SCOC: variants seen among roughly 807,000 people sequenced by gnomAD.
SCOC encodes short coiled-coil protein.
A neutral mutation model predicts 9.9 loss-of-function variants in SCOC; 7 were observed. The ratio of observed to expected loss-of-function variants is 0.71; its 90% confidence interval spans 0.40 to 1.33. The LOEUF (loss-of-function observed/expected upper bound fraction) is 1.33. Ranked by LOEUF, SCOC falls within the 40% of genes most tolerant of loss-of-function variation. The pLI, the probability that SCOC is intolerant of heterozygous loss-of-function variation, is 0.01. For missense variants in SCOC, 66 were observed against 89.7 expected (o/e 0.74, Z 1.07); for synonymous variants, 19 against 28.2 (o/e 0.67, Z 1.03).
upstream of SCOC, chr4:140,373,256 T>G (rs1229492809): frequency 2.4e-6 from 3 of 1,272,376 alleles, no homozygotes; most frequent in Non-Finnish European, 3.0e-6. Flanking sequence ...CTGTCGCTCA[T>G]ACCAACCTCT....
intron 1 of SCOC, chr4:140,374,297 A>G (rs1444611529): frequency 2.5e-6 from 1 of 397,694 alleles, no homozygotes; most frequent in Admixed American, 2.9e-5. Flanking sequence ...GAAAGGAGAA[A>G]GAGGATACAT....
chr4:140,345,931 A>G (rs936383789), intron 2 of SCOC, among the ~76,000 whole-genome samples: 1 of 152,224 alleles, frequency 6.6e-6, no homozygotes, highest in African/African-American at 2.4e-5. Context: ...TCCAGATACA[A>G]TGCTACGTCC....
At chr4:140,273,799 T>TA (rs1050920176) in intron 1 of SCOC, among the ~76,000 whole-genome samples, 4 of 152,248 alleles carry the variant, frequency 2.6e-5, no homozygotes, top group Admixed American at 2.6e-4. Flanking sequence ...CAAGAGAAGT[T>TA]ACATCATTTG....
chr4:140,380,710 CAA>C (rs1276573554), intron 3 of SCOC, among the ~76,000 whole-genome samples: 1 of 152,106 alleles, frequency 6.6e-6, no homozygotes, highest in Non-Finnish European at 1.5e-5. Context: ...ATTTTAAAAA[CAA>C]AGTCTTTTTA....
At chr4:140,340,808 T>TTTTTTTTTC (rs140552446), upstream of SCOC, among the ~76,000 whole-genome samples, 29 of 111,812 alleles carry the variant, frequency 2.6e-4, 5 homozygotes, top group Non-Finnish European at 4.5e-4. Context: ...TTTTTTTTTT[T>TTTTTTTTTC]AGAGGGATAG....
intron 1 of SCOC, among the ~76,000 whole-genome samples, chr4:140,273,449 T>G (rs926766401): frequency 1.1e-4 from 17 of 152,206 alleles, no homozygotes; most frequent in African/African-American, 3.9e-4. Flanking sequence ...TTTTTTTCTT[T>G]CTGATCATTT....
upstream of SCOC, chr4:140,343,404 C>T (rs1012818231): frequency 1.7e-5 from 7 of 408,506 alleles, no homozygotes; most frequent in African/African-American, 8.0e-5. Flanking sequence ...CAGCAGCCTC[C>T]GGTCAAGGGT....
At chr4:140,287,006 C>T (rs984102737) in intron 1 of SCOC, among the ~76,000 whole-genome samples, 1 of 152,070 alleles carries the variant, frequency 6.6e-6, no homozygotes, top group Non-Finnish European at 1.5e-5. Context: ...AGACCATACA[C>T]ATACATATAC....
At chr4:140,356,233 A>T (rs1023856257) in intron 2 of SCOC, among the ~76,000 whole-genome samples, 8 of 152,230 alleles carry the variant, frequency 5.3e-5, no homozygotes, top group African/African-American at 1.9e-4. Flanking sequence ...AAAATTTTCA[A>T]GTAACTTAAA....
intron 1 of SCOC, among the ~76,000 whole-genome samples, chr4:140,291,683 C>A (rs1731477059): frequency 6.6e-6 from 1 of 152,194 alleles, no homozygotes; most frequent in African/African-American, 2.4e-5. Flanking sequence ...TCAGGCACTG[C>A]AGCTTTGATC....
chr4:140,380,851 T>G, intron 3 of SCOC, 111 bp from the exon 4 acceptor site: 1 of 845,930 alleles, frequency 1.2e-6, no homozygotes, highest in South Asian at 2.8e-5. Context: ...ATCCGAATTC[T>G]TAAAATTTAA....
chr4:140,336,887 C>T (rs147555789), intron 1 of SCOC, among the ~76,000 whole-genome samples: 55 of 152,316 alleles, frequency 3.6e-4, no homozygotes, highest in African/African-American at 1.3e-3. Context: ...TTCACCAATG[C>T]TTAATTCCCA....
intron 1 of SCOC, among the ~76,000 whole-genome samples, chr4:140,259,986 A>C (rs1045158745): frequency 6.6e-6 from 1 of 152,000 alleles, no homozygotes; most frequent in Non-Finnish European, 1.5e-5. Flanking sequence ...ATCCTCCCCC[A>C]TTCCTTGAGG....
At chr4:140,362,289 TC>T (rs1560720715) in intron 2 of SCOC, among the ~76,000 whole-genome samples, 1 of 18,714 alleles carries the variant, frequency 5.3e-5, no homozygotes, top group Non-Finnish European at 1.0e-4. Context: ...TTCTTCTTCT[TC>T]TTCTTCTTCT....
intron 2 of SCOC, among the ~76,000 whole-genome samples, chr4:140,364,285 G>A (rs1004309857): frequency 6.6e-6 from 1 of 152,098 alleles, no homozygotes; most frequent in Non-Finnish European, 1.5e-5. Flanking sequence ...AGAATTTAAT[G>A]CTGGCAAAGG....
intron 1 of SCOC, among the ~76,000 whole-genome samples, chr4:140,314,951 C>T (rs1332781400): frequency 1.3e-5 from 2 of 152,102 alleles, no homozygotes; most frequent in Admixed American, 6.5e-5. Flanking sequence ...TTACAATAAC[C>T]CCCAACCACC....
At chr4:140,355,279 G>A (rs1038476830) in intron 2 of SCOC, among the ~76,000 whole-genome samples, 4 of 145,726 alleles carry the variant, frequency 2.7e-5, no homozygotes, top group African/African-American at 1.0e-4. Flanking sequence ...ATAGAACAAT[G>A]ATACCCTGAC....
chr4:140,365,196 T>C (rs976796707), intron 2 of SCOC, among the ~76,000 whole-genome samples: 1 of 132,696 alleles, frequency 7.5e-6, no homozygotes, highest in Non-Finnish European at 1.6e-5. Context: ...AAGTGAAAAG[T>C]GAAGGGTTTC....
chr4:140,291,155 G>C (rs1014236162), intron 1 of SCOC, among the ~76,000 whole-genome samples: 4 of 152,142 alleles, frequency 2.6e-5, no homozygotes, highest in African/African-American at 9.7e-5. Context: ...GCCCATTCTT[G>C]CTCCTGGGCT....
Sources: gnomAD v4.1 joint callset for allele counts (sites outside exome capture counted in the v4.1 genomes callset) on GRCh38, gnomAD v4.1.1 for gene constraint, MANE v1.5 for transcripts, NCBI Gene and HGNC (gene_info 2026-07-23, HGNC 2026-07-21) for gene names.